The following NEUROD2 variants were observed in gnomAD, a reference collection of about 807,000 sequenced individuals.
NEUROD2 encodes neurogenic differentiation factor 2.
NEUROD2 carries 5 observed loss-of-function variants against 9.3 expected under a neutral mutation model. The ratio of observed to expected loss-of-function variants is 0.54; its 90% CI spans 0.28 to 1.13. The LOEUF is 1.13. NEUROD2 is among the 50% of genes most tolerant of loss of function. The probability of loss-of-function intolerance (pLI) is 0.10; values close to 1 mark genes in which losing one functional copy is unlikely to be tolerated. For missense variants in NEUROD2, 376 were observed against 549.2 expected (o/e 0.68, Z 3.15); for synonymous variants, 277 against 257.3 (o/e 1.08, Z -0.73).
chr17:39,605,547 C>T lies in NEUROD2; in HGVS notation c.1053G>A (p.Gly351=), dbSNP rs768354998. 9 of 1,613,436 alleles carry T rather than the reference C, an allele frequency of 5.6e-6. No individual in the cohort carries two copies. The South Asian group carries it at 8.8e-5, about 16-fold the overall frequency. The change falls in exon 2 of 2, where the codon GGG becomes GGA. Residue 351 remains glycine (G), a synonymous_variant. Transcript: ENST00000302584. The surrounding 1 kb of genome is among the most constrained non-coding windows in gnomAD (Gnocchi z 6.8). The stretch of plus-strand genomic sequence containing the variant: ...ACAAGAGATTCTCCGAGTGGACGCC[C>T]CCGCGCACAGCCGACGAGCCGAAGA... ...GLVFGSSAVR[G]GVHSENLLSY...
intron 1 of NEUROD2, 86 bp downstream of exon 1, chr17:39,607,642 G>T: frequency 1.0e-6 from 1 of 984,600 alleles, no homozygotes; most frequent in South Asian, 4.7e-5. Context: ...CAGGAAGGAG[G>T]TATTTGAGGA....
chr17:39,605,617 T>G lies in NEUROD2; in HGVS notation c.983A>C (p.His328Pro). 1 of 1,613,346 alleles carries G rather than the reference T, an allele frequency of 6.2e-7. No individual in the cohort carries two copies. The highest frequency in any genetic ancestry group is 8.5e-7 in the Non-Finnish European group (1 of 1,179,652). The change falls in exon 2 of 2, where the codon CAC (histidine) becomes CCC (proline). Residue 328 changes from histidine to proline, a missense_variant. Physicochemically the swap from His to Pro is moderately conservative, Grantham distance 77. This residue lies in a region of NEUROD2 where 193 missense variants were observed against 255.8 expected (regional missense o/e 0.75). Transcript: ENST00000302584. The surrounding 1 kb of genome is among the most constrained non-coding windows in gnomAD (Gnocchi z 6.8). ...CCGCGAACCGGGCAGCGCCGAGTAG[T>G]GCATAGAGTAGTGGTAGCTTTTCTC... ...DHEKSYHYSM[H>P]YSALPGSRPT...
rs2056757359 is a variant in NEUROD2 at position 39,604,410 on chromosome 17, C to A, written c.*1041G>T. On this transcript the variant is annotated 3_prime_UTR_variant, in exon 2 of 2. Coordinates refer to ENST00000302584, the MANE Select transcript of NEUROD2 (RefSeq NM_006160.4). The stretch of plus-strand genomic sequence containing the variant: ...AGCATGACGCACAACGGGGACGGGG[C>A]GGGGGAGGGCAGTGGCACTGGGGCC... 1 of 150,380 alleles carries A rather than the reference C, an allele frequency of 6.6e-6. No individual in the cohort carries two copies. The highest frequency in any genetic ancestry group is 1.5e-5 in the Non-Finnish European group (1 of 67,498). 9.3% of individuals were successfully genotyped at this position (150,380 alleles called of 1,614,324 possible). A position where few individuals can be genotyped will look rare whatever the true frequency, so the allele number is the denominator to read the frequency against.
At position 39,606,934 on chromosome 17, in the gene NEUROD2, TTG is replaced by T. The variant is rs2056771685; in HGVS notation, c.-5-332_-5-331del. The T allele has an allele frequency of 1.0e-5, 2 of 200,326 alleles. No individual in the cohort carries two copies. The highest frequency in any genetic ancestry group is 2.0e-5 in the Non-Finnish European group (2 of 99,158). 12.4% of individuals were successfully genotyped at this position (200,326 alleles called of 1,614,324 possible). On this transcript the variant is annotated intron_variant, in intron 1 of 1. Transcript: ENST00000302584. The surrounding 1 kb of genome is among the most constrained non-coding windows in gnomAD (Gnocchi z 7.8). The stretch of plus-strand genomic sequence containing the variant: ...TGGGGGTTTTAGGGACCAGATATCT[TTG>T]CCAGGGGAGGCGGCGCGCTCGCCCT...
Position 39,605,382 on chromosome 17 carries a change from G to C in NEUROD2, c.*69C>G. The C allele has an allele frequency of 6.9e-7, 1 of 1,458,080 alleles. No homozygotes were observed. The highest frequency in any genetic ancestry group is 9.1e-7 in the Non-Finnish European group (1 of 1,100,002). 90.3% of individuals were successfully genotyped at this position (1,458,080 alleles called of 1,614,324 possible). On this transcript the variant is annotated 3_prime_UTR_variant, in exon 2 of 2. Transcript: ENST00000302584. This position sits in a 1 kb window ranked among gnomAD's most constrained non-coding sequence, Gnocchi z 6.8. ...GCCGGGGTAGGATGGGGGTGTCCCT[G>C]CGCTCTGGGGGCTGGGGACAGGGGG...
chr17:39,607,707 G>C (rs1333507438), intron 1 of NEUROD2, 21 bp downstream of exon 1: 1 of 940,074 alleles, frequency 1.1e-6, no homozygotes, highest in African/African-American at 1.8e-5. Flanking sequence ...GTCAGATCTC[G>C]CTCCCTTTCG....
Position 39,606,527 on chromosome 17 carries a change from C to T in NEUROD2, c.73G>A (p.Glu25Lys). 1 of 1,571,412 alleles carries T rather than the reference C, an allele frequency of 6.4e-7. No homozygotes were observed. The highest frequency in any genetic ancestry group is 8.6e-7 in the Non-Finnish European group (1 of 1,168,300). Residue 25 changes from glutamate (E) to lysine (K), a missense_variant, in exon 2 of 2, where the codon GAA becomes AAA. Glu to Lys is a moderately conservative substitution (Grantham distance 56). Around this residue, in one of 3 missense-constraint regions of NEUROD2, gnomAD observed 134 missense variants for 133.6 expected, o/e 1.00. Transcript: ENST00000302584. The surrounding 1 kb of genome is among the most constrained non-coding windows in gnomAD (Gnocchi z 7.8). Reference sequence around the variant, plus strand: ...TTGTCGCTCCTCGGCTCGTCGTCTTCGCCGTCGCCCCAGCTGGCGAACTTG... The same window carrying T: ...TTGTCGCTCCTCGGCTCGTCGTCTTTGCCGTCGCCCCAGCTGGCGAACTTG... ...VPKFASWGDG[E>K]DDEPRSDKGD...
rs1385113484 is a variant in NEUROD2, at chr17:39,606,681, C to A, written c.-5-77G>T. The A allele has an allele frequency of 2.3e-5, 31 of 1,371,452 alleles. No individual in the cohort carries two copies. The highest frequency in any genetic ancestry group is 2.7e-5 in the Non-Finnish European group (28 of 1,045,498). The allele number at this position is 1,371,452 out of a possible 1,614,324, so 85.0% of individuals were successfully genotyped here. On this transcript the variant is annotated intron_variant, in intron 1 of 1. Coordinates refer to ENST00000302584, the MANE Select transcript of NEUROD2 (RefSeq NM_006160.4). The surrounding 1 kb of genome is among the most constrained non-coding windows in gnomAD (Gnocchi z 7.8). ...GCGCGCTGGGGTACCGACGCCCCCCCACAACCCTCCTCCACCCCCGAGTCT... is the reference window on the plus strand; with the variant it reads ...GCGCGCTGGGGTACCGACGCCCCCCAACAACCCTCCTCCACCCCCGAGTCT...
At position 39,606,720 on chromosome 17, in the gene NEUROD2, GC is replaced by G; in HGVS notation, c.-5-117del. ...ACCCCCGAGTCTCGTGCGGGCTCCT[GC>G]CTAGGCTACCCTGGATGCCCACCTC... On this transcript the variant is annotated intron_variant, in intron 1 of 1. Transcript: ENST00000302584. The surrounding 1 kb of genome is among the most constrained non-coding windows in gnomAD (Gnocchi z 7.8). 3 of 1,157,270 alleles carry G rather than the reference GC, an allele frequency of 2.6e-6. No individual in the cohort carries two copies. The highest frequency in any genetic ancestry group is 3.5e-6 in the Non-Finnish European group (3 of 866,094). The allele number at this position is 1,157,270 out of a possible 1,614,324, so 71.7% of individuals were successfully genotyped here. A position where few individuals can be genotyped will look rare whatever the true frequency, so the allele number is the denominator to read the frequency against.
Position 39,606,696 on chromosome 17 carries a change from C to T in NEUROD2, c.-5-92G>A, listed in dbSNP as rs967812046. 4 of 1,307,988 alleles carry T rather than the reference C, an allele frequency of 3.1e-6. No homozygotes were observed. The African/African-American group carries it at 4.7e-5, about 15-fold the overall frequency. 81.0% of individuals were successfully genotyped at this position (1,307,988 alleles called of 1,614,324 possible). A position where few individuals can be genotyped will look rare whatever the true frequency, so the allele number is the denominator to read the frequency against. ...GACGCCCCCCCACAACCCTCCTCCA[C>T]CCCCGAGTCTCGTGCGGGCTCCTGC... On this transcript the variant is annotated intron_variant, in intron 1 of 1. Coordinates refer to ENST00000302584, the MANE Select transcript of NEUROD2 (RefSeq NM_006160.4). This position sits in a 1 kb window ranked among gnomAD's most constrained non-coding sequence, Gnocchi z 7.8.
rs754019787 is a variant in NEUROD2, at chr17:39,605,575, A to AGCCCGTG, written c.1018_1024dup (p.Leu342ProfsTer43). ...GCGCACAGCCGACGAGCCGAAGACTAGCCCGTGGCCCGTGGGCCGCGAACC... is the reference window on the plus strand; with the variant it reads ...GCGCACAGCCGACGAGCCGAAGACTAGCCCGTGGCCCGTGGCCCGTGGGCCGCGAACC... On this transcript the variant is annotated frameshift_variant, in exon 2 of 2. Coordinates refer to ENST00000302584, the MANE Select transcript of NEUROD2 (RefSeq NM_006160.4). LOFTEE classifies it high-confidence loss of function. This position sits in a 1 kb window ranked among gnomAD's most constrained non-coding sequence, Gnocchi z 6.8. 1 of 1,613,808 alleles carries AGCCCGTG rather than the reference A, an allele frequency of 6.2e-7. No homozygotes were observed.
Position 39,605,640 on chromosome 17 carries a change from C to T in NEUROD2, c.960G>A (p.Glu320=). The change falls in exon 2 of 2, where the codon GAG becomes GAA. Residue 320 remains glutamate (E), a synonymous_variant. Coordinates refer to ENST00000302584, the MANE Select transcript of NEUROD2 (RefSeq NM_006160.4). The surrounding 1 kb of genome is among the most constrained non-coding windows in gnomAD (Gnocchi z 6.8). ...SLKQDSSPDH[E]KSYHYSMHYS... is the part of the protein sequence containing the mutation. ...AGTGCATAGAGTAGTGGTAGCTTTT[C>T]TCGTGGTCGGGCGAGGAGTCCTGCT... is the stretch of plus-strand genomic sequence containing the variant. The T allele has an allele frequency of 6.2e-7, 1 of 1,612,984 alleles. No individual in the cohort carries two copies. Among genetic ancestry groups the T allele is most frequent in the South Asian group, 1.1e-5 (1 of 90,972 alleles).
Position 39,606,662 on chromosome 17 carries a change from T to C in NEUROD2, c.-5-58A>G. On this transcript the variant is annotated intron_variant, in intron 1 of 1. Coordinates refer to ENST00000302584, the MANE Select transcript of NEUROD2 (RefSeq NM_006160.4). This position sits in a 1 kb window ranked among gnomAD's most constrained non-coding sequence, Gnocchi z 7.8. Reference sequence around the variant, plus strand: ...AGACAGCACAAAGTGAGGGGCGCGCTGGGGTACCGACGCCCCCCCACAACC... The same window carrying C: ...AGACAGCACAAAGTGAGGGGCGCGCCGGGGTACCGACGCCCCCCCACAACC... The C allele has an allele frequency of 4.2e-6, 6 of 1,437,754 alleles. No individual in the cohort carries two copies. The highest frequency in any genetic ancestry group is 5.5e-6 in the Non-Finnish European group (6 of 1,095,372). 89.1% of individuals were successfully genotyped at this position (1,437,754 alleles called of 1,614,324 possible). A position where few individuals can be genotyped will look rare whatever the true frequency, so the allele number is the denominator to read the frequency against.
rs1003160715 is a variant in NEUROD2 at position 39,606,403 on chromosome 17, G to A, written c.197C>T (p.Thr66Met). 6.5e-7 allele frequency: 1 copy of A among 1,543,934 alleles called. No homozygotes were observed. Among genetic ancestry groups the A allele is most frequent in the Admixed American group, 2.0e-5 (1 of 51,232 alleles). The change falls in exon 2 of 2, where the codon ACG (threonine) becomes ATG (methionine). Residue 66 changes from threonine to methionine, a missense_variant. Transcript: ENST00000302584. This position sits in a 1 kb window ranked among gnomAD's most constrained non-coding sequence, Gnocchi z 7.8. ...CTTGACCTCGGCCAACGTGGCCTCCGTCCCCTCTTCTCCACGGAGAGGGAC... is the reference window on the plus strand; with the variant it reads ...CTTGACCTCGGCCAACGTGGCCTCCATCCCCTCTTCTCCACGGAGAGGGAC... ...KPVPLRGEEG[T>M]EATLAEVKEE...
Position 39,606,510 on chromosome 17 carries a change from C to T in NEUROD2, c.90G>A (p.Arg30=). The T allele has an allele frequency of 1.3e-6, 2 of 1,561,890 alleles. No homozygotes were observed. The highest frequency in any genetic ancestry group is 2.3e-5 in the South Asian group (2 of 86,780). The stretch of plus-strand genomic sequence containing the variant: ...GTGGCGGCGCGTCGCCCTTGTCGCT[C>T]CTCGGCTCGTCGTCTTCGCCGTCGC... ...SWGDGEDDEP[R]SDKGDAPPPP... Residue 30 remains arginine, a synonymous_variant, in exon 2 of 2, where the codon AGG becomes AGA. Coordinates refer to ENST00000302584, the MANE Select transcript of NEUROD2 (RefSeq NM_006160.4). The surrounding 1 kb of genome is among the most constrained non-coding windows in gnomAD (Gnocchi z 7.8).
Position 39,603,928 on chromosome 17 carries a change from G to A in NEUROD2, c.*1523C>T, listed in dbSNP as rs1174381204. On this transcript the variant is annotated 3_prime_UTR_variant, in exon 2 of 2. Coordinates refer to ENST00000302584, the MANE Select transcript of NEUROD2 (RefSeq NM_006160.4). ...TGAGTGTGTGGGTGTGTCGCCTGTGGGATTGCATTTTTGCATCGTGTATTT... is the reference window on the plus strand; with the variant it reads ...TGAGTGTGTGGGTGTGTCGCCTGTGAGATTGCATTTTTGCATCGTGTATTT... 10 of 152,722 alleles carry A rather than the reference G, an allele frequency of 6.5e-5. 1 individual carries two copies. In the East Asian group the frequency reaches 1.9e-3, roughly 29 times the overall value. The allele number at this position is 152,722 out of a possible 1,614,324, so 9.5% of individuals were successfully genotyped here.
chr17:39,607,657 C>T (rs925523659), intron 1 of NEUROD2, 71 bp downstream of exon 1: 3 of 985,138 alleles, frequency 3.0e-6, no homozygotes, highest in South Asian at 4.7e-5. Flanking sequence ...TGAGGACCCT[C>T]CTGTCGGCCG....
chr17:39,605,558 C>T lies in NEUROD2; in HGVS notation c.1042G>A (p.Ala348Thr). ...TGHGLVFGSS[A>T]VRGGVHSENL... The stretch of plus-strand genomic sequence containing the variant: ...TCCGAGTGGACGCCCCCGCGCACAG[C>T]CGACGAGCCGAAGACTAGCCCGTGG... The change falls in exon 2 of 2, where the codon GCT (alanine) becomes ACT (threonine). Residue 348 changes from alanine (A) to threonine (T), a missense_variant. Physicochemically the swap from Ala to Thr is moderately conservative, Grantham distance 58. This residue lies in a region of NEUROD2 where 193 missense variants were observed against 255.8 expected (regional missense o/e 0.75). Transcript: ENST00000302584. This position sits in a 1 kb window ranked among gnomAD's most constrained non-coding sequence, Gnocchi z 6.8. The T allele has an allele frequency of 6.2e-7, 1 of 1,613,532 alleles. No individual in the cohort carries two copies. The highest frequency in any genetic ancestry group is 1.1e-5 in the South Asian group (1 of 91,056).
Position 39,605,921 on chromosome 17 carries a change from AG to A in NEUROD2, c.678del (p.Phe227SerfsTer116). 6.2e-7 allele frequency: 1 copy of A among 1,609,846 alleles called. No individual in the cohort carries two copies. Reference protein sequence around the residue: ...LTEQGADGAGRFHGSGGPFAM... With the variant: ...LTEQGADGAGXFHGSGGPFAM... ...GCGAACGGGCCGCCCGAGCCGTGGA[AG>A]CGGCCGGCACCGTCGGCGCCTTGCT... On this transcript the variant is annotated frameshift_variant, in exon 2 of 2. Coordinates refer to ENST00000302584, the MANE Select transcript of NEUROD2 (RefSeq NM_006160.4). LOFTEE classifies it low-confidence loss of function (END_TRUNC). This position sits in a 1 kb window ranked among gnomAD's most constrained non-coding sequence, Gnocchi z 6.8.
Sources: allele counts gnomAD v4.1 joint callset, GRCh38; gene constraint gnomAD v4.1.1; regional missense constraint gnomAD v4.1.1; non-coding constraint Gnocchi (gnomAD v3.1); transcripts MANE v1.5; gene names NCBI Gene and HGNC (gene_info 2026-07-23, HGNC 2026-07-21).